WDR59: variants seen among roughly 807,000 people sequenced by gnomAD.
The protein encoded by WDR59 is WD repeat domain 59.
WDR59 carries 100 observed loss-of-function variants against 131.2 expected under a neutral mutation model. The observed-to-expected ratio is 0.76, with a 90% CI of 0.65 to 0.90. The LOEUF is 0.90. Among genes scored for constraint, WDR59 ranks in the 40% least tolerant of loss-of-function variants. The pLI is 0.00. For synonymous variants in WDR59, 601 were observed against 466.2 expected, an observed-to-expected ratio of 1.29 and a Z score of -3.72; for missense variants, 1,203 against 1,262.2, an observed-to-expected ratio of 0.95 and a Z score of 0.71.
intron 17 of WDR59, among the ~76,000 whole-genome samples, chr16:74,908,312 G>C (rs544102898): frequency 6.6e-6 from 1 of 152,034 alleles, no homozygotes; most frequent in African/African-American, 2.4e-5. Context: ...CAGCTACTTG[G>C]GAGGCTGAGG....
intron 2 of WDR59, among the ~76,000 whole-genome samples, chr16:74,959,945 T>C (rs2033480139): frequency 6.6e-6 from 1 of 151,190 alleles, no homozygotes; most frequent in Non-Finnish European, 1.5e-5. Context: ...AGAGACAATA[T>C]AAATAATAAT....
chr16:74,955,784 C>T (rs2033259806), intron 3 of WDR59, among the ~76,000 whole-genome samples: 1 of 152,102 alleles, frequency 6.6e-6, no homozygotes, highest in Admixed American at 6.6e-5. Context: ...AAATACTCTC[C>T]TGCCAGCCCA....
At chr16:74,970,287 AC>A (rs1465415250) in intron 1 of WDR59, among the ~76,000 whole-genome samples, 4 of 152,012 alleles carry the variant, frequency 2.6e-5, no homozygotes, top group African/African-American at 9.7e-5. Context: ...TGTTTGAGTT[AC>A]CACAGCCTTG....
chr16:74,959,542 C>T (rs966934656), intron 2 of WDR59: 7 of 453,290 alleles, frequency 1.5e-5, no homozygotes, highest in East Asian at 7.1e-5. Flanking sequence ...GCAGAAGCAT[C>T]GCTTGAGGCC....
At chr16:74,922,176 C>A in intron 9 of WDR59, 73 bp from the exon 10 acceptor site, 1 of 1,562,898 alleles carries the variant, frequency 6.4e-7, no homozygotes. Flanking sequence ...AGTTTCCAAA[C>A]CTGGAATTCT....
chr16:74,977,078 A>ACTGG (rs1432531012), intron 1 of WDR59, among the ~76,000 whole-genome samples: 1 of 152,114 alleles, frequency 6.6e-6, no homozygotes, highest in African/African-American at 2.4e-5. Flanking sequence ...GTTCATCAAA[A>ACTGG]GACAGCACAT....
At chr16:74,913,288 A>G (rs1294467668) in intron 13 of WDR59, among the ~76,000 whole-genome samples, 3 of 149,668 alleles carry the variant, frequency 2.0e-5, no homozygotes, top group Non-Finnish European at 4.4e-5. Context: ...TTTTTGAGAC[A>G]GGGTCTCACT....
At chr16:74,914,009 C>A (rs1966238537) in intron 13 of WDR59, among the ~76,000 whole-genome samples, 1 of 152,168 alleles carries the variant, frequency 6.6e-6, no homozygotes, top group African/African-American at 2.4e-5. Flanking sequence ...GAGTTCGAGG[C>A]CAACCTGGCC....
intron 1 of WDR59, among the ~76,000 whole-genome samples, chr16:74,971,273 A>C (rs7204479): frequency 2.0e-5 from 3 of 151,798 alleles, no homozygotes; most frequent in South Asian, 2.1e-4. Context: ...AGCTCACTGC[A>C]TGCTGTGTGA....
intron 3 of WDR59, among the ~76,000 whole-genome samples, chr16:74,953,825 C>G (rs2033138996): frequency 6.6e-6 from 1 of 151,518 alleles, no homozygotes; most frequent in African/African-American, 2.4e-5. Flanking sequence ...CAGGGCGAAA[C>G]CCTGTCTCTA....
At chr16:74,960,790 G>A (rs1263516642) in intron 2 of WDR59, among the ~76,000 whole-genome samples, 1 of 149,892 alleles carries the variant, frequency 6.7e-6, no homozygotes, top group Non-Finnish European at 1.5e-5. Flanking sequence ...AAAGAAAATG[G>A]GAAAATAAAA....
At chr16:74,951,630 C>T in intron 3 of WDR59, 87 bp from the exon 4 acceptor site, 4 of 1,150,318 alleles carry the variant, frequency 3.5e-6, no homozygotes, top group Non-Finnish European at 5.1e-6. Flanking sequence ...AAGAGGAAGC[C>T]AGGGATCTCA....
chr16:74,968,445 G>T (rs963972369), intron 1 of WDR59, among the ~76,000 whole-genome samples: 21 of 152,182 alleles, frequency 1.4e-4, no homozygotes, highest in Admixed American at 9.8e-4. Context: ...TATGGACCGG[G>T]TGCAGTAGCT....
At chr16:74,937,194 A>C (rs990259172) in intron 8 of WDR59, among the ~76,000 whole-genome samples, 11 of 152,218 alleles carry the variant, frequency 7.2e-5, no homozygotes, top group Non-Finnish European at 1.5e-4. Context: ...CACAGAGAGG[A>C]AAGACAAACA....
At chr16:74,889,937 C>A in intron 20 of WDR59, 122 bp from the exon 21 acceptor site, 1 of 649,002 alleles carries the variant, frequency 1.5e-6, no homozygotes, top group Non-Finnish European at 2.6e-6. Flanking sequence ...GCAGCAAAAG[C>A]TGGATCCTTA....
chr16:74,966,913 T>C (rs1436250880), intron 1 of WDR59, among the ~76,000 whole-genome samples: 1 of 152,222 alleles, frequency 6.6e-6, no homozygotes, highest in Non-Finnish European at 1.5e-5. Flanking sequence ...ACAAGGCTTA[T>C]TTTAATCCAG....
chr16:74,892,705 CCTTT>C, intron 19 of WDR59, 140 bp from the exon 20 acceptor site: 1 of 665,408 alleles, frequency 1.5e-6, no homozygotes, highest in Non-Finnish European at 2.5e-6. Flanking sequence ...CCTTGGGCCC[CCTTT>C]CTATCTGACT....
At chr16:74,922,518 G>A (rs145032457) in intron 9 of WDR59, among the ~76,000 whole-genome samples, 103 of 152,256 alleles carry the variant, frequency 6.8e-4, no homozygotes, top group Middle Eastern at 3.4e-3. Context: ...TTCTTGCCAC[G>A]TGGAAATGCA....
intron 1 of WDR59, among the ~76,000 whole-genome samples, chr16:74,973,753 C>T (rs1050981076): frequency 2.6e-5 from 4 of 152,162 alleles, no homozygotes; most frequent in Non-Finnish European, 5.9e-5. Context: ...TTAATTAATT[C>T]GGCCAGGCGC....
Sources: gnomAD v4.1 joint callset for allele counts (sites outside exome capture counted in the v4.1 genomes callset) on GRCh38, gnomAD v4.1.1 for gene constraint, MANE v1.5 for transcripts, NCBI Gene and HGNC (gene_info 2026-07-23, HGNC 2026-07-21) for gene names.